KANK1: variants seen among roughly 807,000 people sequenced by gnomAD.
The protein encoded by KANK1 is KN motif and ankyrin repeat domain-containing protein 1.
KANK1 carries 109 observed loss-of-function variants against 106.2 expected under a neutral mutation model. That is an observed-to-expected ratio of 1.03 (90% CI 0.88 to 1.20). The LOEUF (loss-of-function observed/expected upper bound fraction) is 1.20, where lower values mean the gene tolerates loss of function less well. KANK1 is among the 50% of genes most tolerant of loss of function. The probability of loss-of-function intolerance (pLI) is 0.00; values close to 1 mark genes in which losing one functional copy is unlikely to be tolerated. For missense variants in KANK1, 2,399 were observed against 1,710.7 expected, an observed-to-expected ratio of 1.40 and a Z score of -7.10; for synonymous variants, 873 against 652.2, an observed-to-expected ratio of 1.34 and a Z score of -5.16.
At chr9:730,554 A>G (rs1831947408) in intron 4 of KANK1, 2 of 359,826 alleles carry the variant, frequency 5.6e-6, no homozygotes, top group Non-Finnish European at 1.1e-5. Flanking sequence ...TTAGCCAGGC[A>G]TGGTGGTGCA....
intron 1 of KANK1, among the ~76,000 whole-genome samples, chr9:598,167 A>G (rs997352158): frequency 2.6e-5 from 4 of 151,628 alleles, no homozygotes; most frequent in South Asian, 2.1e-4. Flanking sequence ...TTAAAAATCT[A>G]TTGGCCATAT....
intron 1 of KANK1, among the ~76,000 whole-genome samples, chr9:575,275 G>C (rs533550546): frequency 2.0e-5 from 3 of 152,208 alleles, no homozygotes; most frequent in African/African-American, 7.2e-5. Flanking sequence ...TAAAGTTAAA[G>C]CACAGAGAAA....
At position 635,446 on chromosome 9, in the gene KANK1, C is replaced by T. The variant is rs150745358; in HGVS notation, c.-83-41444C>T. On this transcript the variant is annotated intron_variant, in intron 1 of 11. Coordinates refer to ENST00000382297, the MANE Select transcript of KANK1 (RefSeq NM_015158.5). ...TGTGCTTCGTAGAGAACCACAGACCCTGACTTTATTTGTGCAAACCTTTTC... is the reference window on the plus strand; with the variant it reads ...TGTGCTTCGTAGAGAACCACAGACCTTGACTTTATTTGTGCAAACCTTTTC... Among the ~76,000 whole-genome samples the T allele has an allele frequency of 4.6e-5, 7 of 152,272 alleles. No homozygotes were observed. The East Asian group carries it at 1.2e-3, about 25-fold the overall frequency.
intron 2 of KANK1, chr9:707,197 G>T: frequency 1.0e-6 from 1 of 986,020 alleles, no homozygotes; most frequent in South Asian, 4.6e-5. Context: ...GAGCTGGAGC[G>T]AGCTGTGCGG....
chr9:664,541 C>G (rs899978625), intron 1 of KANK1, among the ~76,000 whole-genome samples: 2 of 152,126 alleles, frequency 1.3e-5, no homozygotes, highest in South Asian at 2.1e-4. Flanking sequence ...AAGCGATCCA[C>G]CTGCCTTGGC....
rs10975537 is a variant in KANK1 at position 639,321 on chromosome 9, A to T, written c.-83-37569A>T. 2.2e-4 allele frequency among the ~76,000 whole-genome samples: 33 copies of T among 151,706 alleles called. No homozygotes were observed. In the East Asian group the frequency reaches 5.4e-3, roughly 25 times the overall value. ...TTTGATCTTTGATTATTTTATTTTT[A>T]TTTATTTATTATTATTATTTTTGAG... is the stretch of plus-strand genomic sequence containing the variant. On this transcript the variant is annotated intron_variant, in intron 1 of 11. Transcript: ENST00000382297.
Position 600,635 on chromosome 9 carries a change from T to A in KANK1, c.-83-76255T>A, listed in dbSNP as rs530168508. Among the ~76,000 whole-genome samples the A allele has an allele frequency of 5.1e-4, 78 of 151,958 alleles. 2 individuals carry two copies. The highest frequency in any genetic ancestry group is 1.7e-3 in the African/African-American group (72 of 41,228). On this transcript the variant is annotated intron_variant, in intron 1 of 11. Coordinates refer to ENST00000382297, the MANE Select transcript of KANK1 (RefSeq NM_015158.5). ...GAGGAAACAACTAGTAGCACATAAA[T>A]GCTTCTTGGGCTTCTTGCACACTTG...
chr9:512,157 A>G (rs974429259), intron 1 of KANK1, among the ~76,000 whole-genome samples: 2 of 152,166 alleles, frequency 1.3e-5, no homozygotes, highest in African/African-American at 2.4e-5. Context: ...TGGTGGCTCC[A>G]GGTAGTTGAA....
At chr9:584,497 A>G (rs1481558655) in intron 1 of KANK1, among the ~76,000 whole-genome samples, 1 of 152,234 alleles carries the variant, frequency 6.6e-6, no homozygotes, top group Non-Finnish European at 1.5e-5. Flanking sequence ...CAAAGATAGT[A>G]ATATGGTATT....
intron 1 of KANK1, among the ~76,000 whole-genome samples, chr9:532,164 G>A (rs73369098): frequency 0.012 from 1,837 of 151,936 alleles, 39 homozygotes; most frequent in African/African-American, 0.041. Context: ...TAGGCATAAC[G>A]GTGAACAGAG....
chr9:700,255 G>A lies in KANK1; in HGVS notation c.38-10549G>A, dbSNP rs536842604. 1.3e-5 allele frequency among the ~76,000 whole-genome samples: 2 copies of A among 152,164 alleles called. 1 individual carries two copies. The highest frequency in any genetic ancestry group is 4.1e-4 in the South Asian group (2 of 4,834). ...TACATTTCCTTTAAACCAGAAGGAGGAACACTCATATTGCTACCCTTTTTA... is the reference window on the plus strand; with the variant it reads ...TACATTTCCTTTAAACCAGAAGGAGAAACACTCATATTGCTACCCTTTTTA... On this transcript the variant is annotated intron_variant, in intron 2 of 11. Coordinates refer to ENST00000382297, the MANE Select transcript of KANK1 (RefSeq NM_015158.5).
At chr9:639,270 G>C (rs748112839) in intron 1 of KANK1, among the ~76,000 whole-genome samples, 15 of 151,998 alleles carry the variant, frequency 9.9e-5, no homozygotes, top group Non-Finnish European at 1.0e-4. Context: ...AGTGTGGCAA[G>C]AGTTCACTTT....
chr9:632,459 C>T (rs10975503), intron 1 of KANK1, among the ~76,000 whole-genome samples: 22,435 of 151,980 alleles, frequency 0.15, 1,797 homozygotes, highest in Admixed American at 0.17. Context: ...TTATTGAGAG[C>T]ATGGAAAAGA....
At chr9:482,620 A>G (rs1032755633) in intron 3 of KANK1, among the ~76,000 whole-genome samples, 1 of 152,196 alleles carries the variant, frequency 6.6e-6, no homozygotes, top group African/African-American at 2.4e-5. Flanking sequence ...ACTGACTACA[A>G]TCACATGTGG....
chr9:601,543 C>T lies in KANK1; in HGVS notation c.-83-75347C>T, dbSNP rs946700314. 1.3e-5 allele frequency among the ~76,000 whole-genome samples: 2 copies of T among 151,812 alleles called. 1 individual carries two copies. Among genetic ancestry groups the T allele is most frequent in the African/African-American group, 4.9e-5 (2 of 41,104 alleles). On this transcript the variant is annotated intron_variant, in intron 1 of 11. Coordinates refer to ENST00000382297, the MANE Select transcript of KANK1 (RefSeq NM_015158.5). Reference sequence around the variant, plus strand: ...TTGTTTTGAAAGAAGACCACAAAAGCAATGATGTATCTTTTTTATTGCCTC... The same window carrying T: ...TTGTTTTGAAAGAAGACCACAAAAGTAATGATGTATCTTTTTTATTGCCTC...
At chr9:517,984 T>G (rs1298499926) in intron 1 of KANK1, among the ~76,000 whole-genome samples, 2 of 151,558 alleles carry the variant, frequency 1.3e-5, no homozygotes, top group African/African-American at 4.9e-5. Context: ...GTGATCCACC[T>G]GCCTCAGCCT....
Position 679,479 on chromosome 9 carries a change from A to G in KANK1, c.37+2470A>G, listed in dbSNP as rs551840115. Among the ~76,000 whole-genome samples the G allele has an allele frequency of 2.0e-5, 3 of 152,274 alleles. No individual in the cohort carries two copies. In the East Asian group the frequency reaches 5.8e-4, roughly 29 times the overall value. ...ACCCAGGCTGGAGTGCAGTGGCACGATATCGGCTCACTGCAACCTCTGCCT... is the reference window on the plus strand; with the variant it reads ...ACCCAGGCTGGAGTGCAGTGGCACGGTATCGGCTCACTGCAACCTCTGCCT... On this transcript the variant is annotated intron_variant, in intron 2 of 11. Coordinates refer to ENST00000382297, the MANE Select transcript of KANK1 (RefSeq NM_015158.5).
chr9:563,415 C>G (rs1007590311), intron 1 of KANK1, among the ~76,000 whole-genome samples: 8 of 152,164 alleles, frequency 5.3e-5, no homozygotes, highest in African/African-American at 1.9e-4. Context: ...TGTGTCAGTT[C>G]AATGCATTGT....
At chr9:715,205 T>C (rs909556895) in intron 3 of KANK1, among the ~76,000 whole-genome samples, 1 of 151,782 alleles carries the variant, frequency 6.6e-6, no homozygotes, top group Non-Finnish European at 1.5e-5. Context: ...ATCCAAAGAG[T>C]CTAATAAACA....
Sources: gnomAD v4.1 joint callset for allele counts (sites outside exome capture counted in the v4.1 genomes callset) on GRCh38, gnomAD v4.1.1 for gene constraint, MANE v1.5 for transcripts, NCBI Gene and HGNC (gene_info 2026-07-23, HGNC 2026-07-21) for gene names.